RALGAPA1: variants seen among roughly 807,000 people sequenced by gnomAD.
RALGAPA1 encodes the protein ral GTPase-activating protein subunit alpha-1.
RALGAPA1 carries 52 observed loss-of-function variants against 269.6 expected under a neutral mutation model. That is an observed-to-expected ratio of 0.19 (90% confidence interval 0.15 to 0.24). The LOEUF (loss-of-function observed/expected upper bound fraction) is 0.24. Among genes scored for constraint, RALGAPA1 ranks in the 10% least tolerant of loss-of-function variants. The pLI is 1.00. For missense variants in RALGAPA1, 1,917 were observed against 3,013.9 expected (o/e 0.64, Z 8.52); for synonymous variants, 817 against 1,008.3 (o/e 0.81, Z 3.60).
At chr14:35,576,371 A>C (rs1481845878) in intron 37 of RALGAPA1, among the ~76,000 whole-genome samples, 1 of 152,228 alleles carries the variant, frequency 6.6e-6, no homozygotes. Flanking sequence ...TGCTAGAACT[A>C]AAGAAGGGAT....
At position 35,627,505 on chromosome 14, in the gene RALGAPA1, G is replaced by C; in HGVS notation, c.6442C>G (p.Pro2148Ala). The change falls in exon 34 of 42, where the codon CCG becomes GCG. Residue 2148 changes from proline to alanine, a missense_variant. Pro to Ala is a conservative substitution (Grantham distance 27, BLOSUM62 -1). Coordinates refer to ENST00000680220, the MANE Select transcript of RALGAPA1 (RefSeq NM_001346249.2). ...LSHQEKPEEP[P>A]TSNECLEDIT... ...TCTTCTAAGCATTCATTAGATGTCG[G>C]AGGCTCTTCTGGCTTCTCTTGGTGA... 3.1e-6 allele frequency: 5 copies of C among 1,609,494 alleles called. No individual in the cohort carries two copies. Among genetic ancestry groups the C allele is most frequent in the Non-Finnish European group, 4.2e-6 (5 of 1,178,778 alleles).
At chr14:35,567,983 A>G (rs1325203591) in intron 39 of RALGAPA1, among the ~76,000 whole-genome samples, 4 of 152,176 alleles carry the variant, frequency 2.6e-5, no homozygotes, top group Non-Finnish European at 5.9e-5. Flanking sequence ...GTGAACTGTG[A>G]AAGAGGCAAA....
intron 37 of RALGAPA1, among the ~76,000 whole-genome samples, chr14:35,579,009 G>C (rs1161894710): frequency 2.6e-5 from 4 of 152,144 alleles, no homozygotes; most frequent in African/African-American, 9.7e-5. Flanking sequence ...AAATAATATA[G>C]GGTAATGTGA....
chr14:35,646,489 C>G (rs2062444123), intron 31 of RALGAPA1, among the ~76,000 whole-genome samples: 1 of 152,054 alleles, frequency 6.6e-6, no homozygotes, highest in African/African-American at 2.4e-5. Context: ...AATAACAAAC[C>G]TAATCATGAT....
At chr14:35,734,509 G>C (rs1044047075) in intron 12 of RALGAPA1, among the ~76,000 whole-genome samples, 27 of 152,246 alleles carry the variant, frequency 1.8e-4, no homozygotes, top group African/African-American at 6.3e-4. Flanking sequence ...ACATGTAGCA[G>C]AACAAAACTG....
intron 1 of RALGAPA1, among the ~76,000 whole-genome samples, chr14:35,801,244 G>GACAC (rs201700521): frequency 0.057 from 7,629 of 134,992 alleles, 234 homozygotes; most frequent in South Asian, 0.084. Context: ...TATATACACA[G>GACAC]ACACACACAC....
chr14:35,577,272 C>T (rs2057630132), intron 37 of RALGAPA1, among the ~76,000 whole-genome samples: 1 of 152,024 alleles, frequency 6.6e-6, no homozygotes, highest in South Asian at 2.1e-4. Context: ...TGCATCCCAT[C>T]CACCCCCCAA....
chr14:35,539,607 G>C lies in RALGAPA1; in HGVS notation c.*107C>G. 1 of 1,614,000 alleles carries C rather than the reference G, an allele frequency of 6.2e-7. No individual in the cohort carries two copies. Among genetic ancestry groups the C allele is most frequent in the Non-Finnish European group, 8.5e-7 (1 of 1,180,024 alleles). ...ATGGACATGCGGCTTTTGCTAGTTC[G>C]AGGAGACATTGGAGAGGCCAGGTCA... On this transcript the variant is annotated 3_prime_UTR_variant, in exon 42 of 42. Coordinates refer to ENST00000680220, the MANE Select transcript of RALGAPA1 (RefSeq NM_001346249.2).
chr14:35,650,992 A>G (rs2062795178), intron 31 of RALGAPA1, among the ~76,000 whole-genome samples: 1 of 150,180 alleles, frequency 6.7e-6, no homozygotes, highest in Non-Finnish European at 1.5e-5. Flanking sequence ...GTCAACTGAA[A>G]GCAATACACA....
intron 37 of RALGAPA1, among the ~76,000 whole-genome samples, chr14:35,588,167 G>C (rs183891742): frequency 6.6e-6 from 1 of 152,190 alleles, no homozygotes; most frequent in African/African-American, 2.4e-5. Context: ...TTGACCTCAC[G>C]TTCCGCCCGC....
intron 37 of RALGAPA1, among the ~76,000 whole-genome samples, chr14:35,590,716 C>G (rs989913257): frequency 6.6e-6 from 1 of 152,176 alleles, no homozygotes; most frequent in South Asian, 2.1e-4. Flanking sequence ...AATGTGAAAA[C>G]AGACCAATAC....
At chr14:35,741,422 G>C in intron 11 of RALGAPA1, among the ~76,000 whole-genome samples, 1 of 151,788 alleles carries the variant, frequency 6.6e-6, no homozygotes, top group Non-Finnish European at 1.5e-5. Flanking sequence ...TTTCTTAGAA[G>C]GGGGGAGGGT....
At chr14:35,707,927 T>G (rs868630532) in intron 16 of RALGAPA1, among the ~76,000 whole-genome samples, 1 of 152,014 alleles carries the variant, frequency 6.6e-6, no homozygotes, top group Non-Finnish European at 1.5e-5. Flanking sequence ...CACAGACCAA[T>G]AGAACAGAAC....
At chr14:35,556,061 A>G (rs894872199) in intron 39 of RALGAPA1, among the ~76,000 whole-genome samples, 18 of 152,216 alleles carry the variant, frequency 1.2e-4, no homozygotes, top group African/African-American at 4.3e-4. Context: ...TAAAAATTTG[A>G]AAACAAACCA....
chr14:35,792,315 C>T (rs1389508656), intron 1 of RALGAPA1, among the ~76,000 whole-genome samples: 2 of 152,064 alleles, frequency 1.3e-5, no homozygotes, highest in Admixed American at 1.3e-4. Flanking sequence ...TGCCACCACG[C>T]CCAGCTAATT....
chr14:35,752,813 G>A (rs183130490), intron 7 of RALGAPA1, among the ~76,000 whole-genome samples: 52 of 152,220 alleles, frequency 3.4e-4, no homozygotes, highest in African/African-American at 1.0e-3. Flanking sequence ...TGGTGGCAAC[G>A]GGAGATTGAT....
At chr14:35,802,058 C>T (rs984590138) in intron 1 of RALGAPA1, among the ~76,000 whole-genome samples, 3 of 152,164 alleles carry the variant, frequency 2.0e-5, no homozygotes, top group African/African-American at 7.2e-5. Flanking sequence ...ACCTGTAATC[C>T]CAGGACTTTG....
chr14:35,664,136 C>A (rs1005987420), intron 27 of RALGAPA1, among the ~76,000 whole-genome samples: 1 of 152,052 alleles, frequency 6.6e-6, no homozygotes, highest in African/African-American at 2.4e-5. Context: ...CCACTGGCAA[C>A]TGTATAGTCA....
intron 27 of RALGAPA1, among the ~76,000 whole-genome samples, chr14:35,660,134 G>A (rs10220691): frequency 8.8e-4 from 134 of 151,980 alleles, no homozygotes; most frequent in African/African-American, 3.1e-3. Context: ...GCTCACTCTC[G>A]CCACTTCTAT....
Sources: allele counts gnomAD v4.1 joint callset (sites outside exome capture counted in the v4.1 genomes callset), GRCh38; gene constraint gnomAD v4.1.1; transcripts MANE v1.5; gene names NCBI Gene and HGNC (gene_info 2026-07-23, HGNC 2026-07-21).